CDK17: variants seen among roughly 807,000 people sequenced by gnomAD.
CDK17 encodes the protein cyclin-dependent kinase 17.
In CDK17, 24 loss-of-function variants were observed where a neutral mutation model predicts 77.6. The observed-to-expected ratio is 0.31, with a 90% confidence interval of 0.22 to 0.44. The LOEUF is 0.44. CDK17 is among the 20% of genes least tolerant of loss of function. The pLI, the probability that CDK17 is intolerant of heterozygous loss-of-function variation, is 1.00. For missense variants in CDK17, 429 were observed against 622.5 expected (o/e 0.69, Z 3.31); for synonymous variants, 203 against 210.4 (o/e 0.96, Z 0.30).
chr12:96,372,891 A>AC (rs1335927119), intron 1 of CDK17, among the ~76,000 whole-genome samples: 1 of 152,202 alleles, frequency 6.6e-6, no homozygotes, highest in Non-Finnish European at 1.5e-5. Flanking sequence ...ATTTGAATTA[A>AC]CCAGAATTCT....
intron 1 of CDK17, among the ~76,000 whole-genome samples, chr12:96,358,370 TAAAAA>T (rs35899533): frequency 2.6e-4 from 9 of 35,182 alleles, no homozygotes; most frequent in African/African-American, 9.4e-4. Flanking sequence ...TGCAAACTTG[TAAAAA>T]AAAAAAAAAA....
intron 2 of CDK17, among the ~76,000 whole-genome samples, chr12:96,329,309 C>T (rs1952934878): frequency 6.6e-6 from 1 of 151,878 alleles, no homozygotes; most frequent in South Asian, 2.1e-4. Context: ...TATATTTTAC[C>T]ATAACTTTTA....
chr12:96,314,815 G>A (rs1217475332), intron 3 of CDK17, among the ~76,000 whole-genome samples: 1 of 152,182 alleles, frequency 6.6e-6, no homozygotes, highest in African/African-American at 2.4e-5. Flanking sequence ...GTTTTTAAAA[G>A]ATGCCTTTTC....
chr12:96,395,407 G>A (rs1672231848), intron 1 of CDK17, among the ~76,000 whole-genome samples: 1 of 152,110 alleles, frequency 6.6e-6, no homozygotes, highest in South Asian at 2.1e-4. Flanking sequence ...TAGAGTAGTG[G>A]TTTGAATGCC....
At chr12:96,328,452 G>A (rs1343957111) in intron 2 of CDK17, among the ~76,000 whole-genome samples, 3 of 152,108 alleles carry the variant, frequency 2.0e-5, no homozygotes, top group Non-Finnish European at 4.4e-5. Context: ...ATGCCAGAAA[G>A]GTTGGGGACC....
chr12:96,297,916 G>C (rs1038683924), intron 7 of CDK17, among the ~76,000 whole-genome samples, 195 bp from the exon 8 acceptor site: 1 of 151,070 alleles, frequency 6.6e-6, no homozygotes, highest in African/African-American at 2.4e-5. Flanking sequence ...GACCAGCCTG[G>C]GCAACAATGC....
At chr12:96,380,943 G>T (rs1038398198) in intron 1 of CDK17, among the ~76,000 whole-genome samples, 3 of 152,068 alleles carry the variant, frequency 2.0e-5, no homozygotes, top group African/African-American at 7.3e-5. Flanking sequence ...TACCTAGGAA[G>T]TGGTTCTCTT....
At chr12:96,386,078 G>A (rs1217918075) in intron 1 of CDK17, among the ~76,000 whole-genome samples, 1 of 152,198 alleles carries the variant, frequency 6.6e-6, no homozygotes, top group Non-Finnish European at 1.5e-5. Flanking sequence ...GGGGAGCAGC[G>A]GCACAATCAC....
intron 1 of CDK17, among the ~76,000 whole-genome samples, chr12:96,389,345 G>C (rs997033043): frequency 6.6e-6 from 1 of 152,014 alleles, no homozygotes; most frequent in Non-Finnish European, 1.5e-5. Context: ...TTTATGAAAA[G>C]AAAATTGAAA....
chr12:96,375,469 C>T (rs930120778), intron 1 of CDK17, among the ~76,000 whole-genome samples: 2 of 149,828 alleles, frequency 1.3e-5, no homozygotes, highest in Non-Finnish European at 3.0e-5. Context: ...TGGACAACAT[C>T]TACACACAGT....
rs1383463626 is a variant in CDK17 at position 96,358,396 on chromosome 12, AG to A, written c.-29-23532del. Among the ~76,000 whole-genome samples the A allele has an allele frequency of 4.5e-3, 653 of 146,620 alleles. 5 individuals carry two copies. Among genetic ancestry groups the A allele is most frequent in the African/African-American group, 0.015 (607 of 39,814 alleles). On this transcript the variant is annotated intron_variant, in intron 1 of 16. Coordinates refer to ENST00000261211, the MANE Select transcript of CDK17 (RefSeq NM_002595.5). ...AAAAAAAAAAAAAAAAAAAAAAAAAAGTTTAGGGAAAAAAGAATAAAAACAA... is the reference window on the plus strand; with the variant it reads ...AAAAAAAAAAAAAAAAAAAAAAAAAATTTAGGGAAAAAAGAATAAAAACAA...
chr12:96,324,633 G>A (rs1028162952), intron 2 of CDK17, among the ~76,000 whole-genome samples: 2 of 152,098 alleles, frequency 1.3e-5, no homozygotes, highest in African/African-American at 4.8e-5. Context: ...TGGGCATGGT[G>A]GCATGCGCCT....
chr12:96,367,072 C>T (rs566228784), intron 1 of CDK17, among the ~76,000 whole-genome samples: 10 of 152,054 alleles, frequency 6.6e-5, no homozygotes, highest in African/African-American at 2.2e-4. Context: ...TGGCCATGTG[C>T]GATGGCTCAC....
intron 2 of CDK17, among the ~76,000 whole-genome samples, chr12:96,329,010 T>C (rs1045590643): frequency 3.3e-5 from 5 of 152,186 alleles, no homozygotes; most frequent in Non-Finnish European, 5.9e-5. Flanking sequence ...ATGGAAACCT[T>C]GGCGACAATA....
At chr12:96,317,776 C>G (rs1258854374) in intron 3 of CDK17, among the ~76,000 whole-genome samples, 1 of 145,042 alleles carries the variant, frequency 6.9e-6, no homozygotes, top group African/African-American at 2.6e-5. Flanking sequence ...CCAGGCCTGC[C>G]CTAAAAGAGC....
chr12:96,377,135 G>A (rs557701149), intron 1 of CDK17, among the ~76,000 whole-genome samples: 5 of 152,288 alleles, frequency 3.3e-5, no homozygotes, highest in South Asian at 2.1e-4. Context: ...ATGCCTCAAA[G>A]ATTGAGAGGA....
At chr12:96,388,703 C>T (rs1245238849) in intron 1 of CDK17, among the ~76,000 whole-genome samples, 1 of 152,136 alleles carries the variant, frequency 6.6e-6, no homozygotes, top group Non-Finnish European at 1.5e-5. Flanking sequence ...TCTTACATTG[C>T]TATAAAGGAA....
intron 2 of CDK17, among the ~76,000 whole-genome samples, chr12:96,326,560 C>G (rs954303983): frequency 1.3e-5 from 2 of 152,182 alleles, no homozygotes; most frequent in Non-Finnish European, 2.9e-5. Context: ...TGGCAGAGTT[C>G]GACTTGTTAG....
Position 96,284,080 on chromosome 12 carries a change from A to G in CDK17, c.1323-435T>C, listed in dbSNP as rs577199881. On this transcript the variant is annotated intron_variant, in intron 13 of 16. Transcript: ENST00000261211. Reference sequence around the variant, plus strand: ...ACTGTTGTTCAAGACAAACACAGAAATGAGCTATTCAGCAAATTTTTAGAG... The same window carrying G: ...ACTGTTGTTCAAGACAAACACAGAAGTGAGCTATTCAGCAAATTTTTAGAG... Among the ~76,000 whole-genome samples, 26 of 152,356 alleles carry G rather than the reference A, an allele frequency of 1.7e-4. No homozygotes were observed. In the South Asian group the frequency reaches 5.0e-3, roughly 29 times the overall value.
Sources: allele counts gnomAD v4.1 joint callset (sites outside exome capture counted in the v4.1 genomes callset), GRCh38; gene constraint gnomAD v4.1.1; transcripts MANE v1.5; gene names NCBI Gene and HGNC (gene_info 2026-07-23, HGNC 2026-07-21).